Variants in MYT1L observed in about 807,000 individuals in gnomAD.
The protein encoded by MYT1L is myelin transcription factor 1 like.
In MYT1L, 12 loss-of-function variants were observed where a neutral mutation model predicts 126.7. The ratio of observed to expected loss-of-function variants is 0.09; its 90% CI spans 0.06 to 0.15. The LOEUF is 0.15. Among genes scored for constraint, MYT1L ranks in the 10% least tolerant of loss-of-function variants. MYT1L has a pLI of 1.00. For missense variants in MYT1L, 979 were observed against 1,585.2 expected, an observed-to-expected ratio of 0.62 and a Z score of 6.49; for synonymous variants, 541 against 604.2, an observed-to-expected ratio of 0.90 and a Z score of 1.53.
intron 2 of MYT1L, among the ~76,000 whole-genome samples, chr2:2,177,965 T>C (rs919063084): frequency 2.0e-5 from 3 of 152,200 alleles, no homozygotes; most frequent in Admixed American, 2.0e-4. Flanking sequence ...GAGATGATCT[T>C]TGGAGACAGG....
intron 18 of MYT1L, among the ~76,000 whole-genome samples, chr2:1,882,595 A>T (rs1276489209): frequency 1.3e-5 from 2 of 152,220 alleles, no homozygotes; most frequent in Non-Finnish European, 2.9e-5. Flanking sequence ...AGCCGAGGGC[A>T]GTTGTAATTC....
intron 5 of MYT1L, among the ~76,000 whole-genome samples, chr2:1,991,311 T>C (rs2061438654): frequency 1.3e-5 from 2 of 152,082 alleles, no homozygotes; most frequent in South Asian, 4.2e-4. Context: ...TGTATCTTTT[T>C]CTTTTCTTTT....
chr2:2,206,295 C>G (rs1471067792), intron 2 of MYT1L, among the ~76,000 whole-genome samples: 3 of 145,976 alleles, frequency 2.1e-5, no homozygotes, highest in Admixed American at 1.4e-4. Flanking sequence ...ACCATACTTT[C>G]ATGTCTTTGA....
chr2:2,313,262 T>TA (rs112642305), intron 1 of MYT1L, among the ~76,000 whole-genome samples: 133 of 148,312 alleles, frequency 9.0e-4, no homozygotes, highest in Admixed American at 1.6e-3. Flanking sequence ...TCTCAGCTGA[T>TA]AAAAAAAAAA....
At chr2:1,999,363 A>T in intron 4 of MYT1L, among the ~76,000 whole-genome samples, 1 of 152,174 alleles carries the variant, frequency 6.6e-6, no homozygotes, top group East Asian at 1.9e-4. Flanking sequence ...GCACTCTGCT[A>T]GACACGGGTA....
In MYT1L at chr2:1,912,046, G is replaced by C; in HGVS notation, c.1683C>G (p.Val561=). The change falls in exon 12 of 25, where the codon GTC becomes GTG. Residue 561 remains valine, a synonymous_variant. Transcript: ENST00000647738. The surrounding 1 kb of genome is among the most constrained non-coding windows in gnomAD (Gnocchi z 4.3). ...PTPGCTGRGH[V]NSNRNSHRSL... ...TTCGGTGGGAGTTCCTGTTGCTGTT[G>C]ACATGCCCGCGCCCCGTGCAGCCCG... 1 of 1,596,068 alleles carries C rather than the reference G, an allele frequency of 6.3e-7. No homozygotes were observed. Among genetic ancestry groups the C allele is most frequent in the African/African-American group, 1.3e-5 (1 of 74,708 alleles).
chr2:2,105,219 A>G (rs1402930850), intron 3 of MYT1L, among the ~76,000 whole-genome samples: 1 of 152,152 alleles, frequency 6.6e-6, no homozygotes, highest in Non-Finnish European at 1.5e-5. Context: ...CTAGAATGCA[A>G]TGGATCCCCG....
Position 1,922,378 on chromosome 2 carries a change from G to A in MYT1L, c.1391C>T (p.Ser464Leu), listed in dbSNP as rs1383909875. Residue 464 changes from serine (S) to leucine (L), a missense_variant, in exon 10 of 25, where the codon TCA becomes TTA. By Grantham distance (145) the Ser-to-Leu change is moderately radical (BLOSUM62 -2). This residue lies in a region of MYT1L where 67 missense variants were observed against 80.3 expected (regional missense o/e 0.83). Transcript: ENST00000647738. The surrounding 1 kb of genome is among the most constrained non-coding windows in gnomAD (Gnocchi z 7.4). ...MEAGRRDNMRSYEDQSPRQLP... is the reference protein window; with the variant it reads ...MEAGRRDNMRLYEDQSPRQLP... ...TTGTCTCGGAGACTGGTCCTCATAT[G>A]ACCTCATATTGTCCCTCCTCCCAGC... The A allele has an allele frequency of 4.3e-6, 7 of 1,613,806 alleles. No homozygotes were observed. Among genetic ancestry groups the A allele is most frequent in the Non-Finnish European group, 5.1e-6 (6 of 1,179,888 alleles).
At chr2:2,256,331 T>C (rs1218343784) in intron 2 of MYT1L, among the ~76,000 whole-genome samples, 1 of 152,358 alleles carries the variant, frequency 6.6e-6, no homozygotes, top group East Asian at 1.9e-4. Context: ...GGAAAGTGAA[T>C]AAGGGTTTCA....
At position 2,009,898 on chromosome 2, in the gene MYT1L, G is replaced by GTT. The variant is rs147372422; in HGVS notation, c.-157-12553_-157-12552dup. 3.2e-3 allele frequency among the ~76,000 whole-genome samples: 370 copies of GTT among 114,282 alleles called. 2 individuals are homozygous for GTT. Among genetic ancestry groups the GTT allele is most frequent in the Non-Finnish European group, 4.7e-3 (254 of 54,470 alleles). The allele number at this position is 114,282 out of a possible 152,430, so 75.0% of individuals were successfully genotyped here. The stretch of plus-strand genomic sequence containing the variant: ...TTCTTCTATACCTAAACTGTTAAGA[G>GTT]TTTTTTTTTTTTTTTTTTTTCATGA... On this transcript the variant is annotated intron_variant, in intron 4 of 24. Coordinates refer to ENST00000647738, the MANE Select transcript of MYT1L (RefSeq NM_001303052.2).
intron 9 of MYT1L, among the ~76,000 whole-genome samples, chr2:1,932,501 T>C (rs1244122038): frequency 2.6e-5 from 4 of 152,190 alleles, no homozygotes; most frequent in Non-Finnish European, 5.9e-5. Flanking sequence ...AGATGAACAA[T>C]GAACCAAAGA....
chr2:2,092,009 C>T (rs2076959902), intron 3 of MYT1L, among the ~76,000 whole-genome samples: 1 of 152,182 alleles, frequency 6.6e-6, no homozygotes, highest in Admixed American at 6.5e-5. Flanking sequence ...TTCCCCATAT[C>T]AGCAATAAGG....
At chr2:1,903,354 G>C (rs2050597578) in intron 13 of MYT1L, 60 bp from the exon 14 acceptor site, 2 of 1,352,020 alleles carry the variant, frequency 1.5e-6, no homozygotes, top group Non-Finnish European at 2.1e-6. Context: ...TACACGACGA[G>C]CTTCACATTA....
intron 8 of MYT1L, among the ~76,000 whole-genome samples, chr2:1,950,920 T>C (rs964300827): frequency 3.3e-5 from 5 of 152,082 alleles, no homozygotes; most frequent in African/African-American, 9.7e-5. Flanking sequence ...TGTCAGGTCA[T>C]AGGTTGGCCT....
At chr2:2,024,363 G>A (rs1444638767) in intron 4 of MYT1L, among the ~76,000 whole-genome samples, 2 of 152,172 alleles carry the variant, frequency 1.3e-5, no homozygotes, top group East Asian at 3.9e-4. Context: ...CAGTGCAGGT[G>A]CACACTCTGG....
Position 1,994,700 on chromosome 2 carries a change from A to G in MYT1L, c.-1+2491T>C, listed in dbSNP as rs114338504. Among the ~76,000 whole-genome samples, 500 of 152,340 alleles carry G rather than the reference A, an allele frequency of 3.3e-3. 4 individuals are homozygous for G. The highest frequency in any genetic ancestry group is 0.012 in the African/African-American group (485 of 41,564). ...GCTGTTCTGAGACTACATCTGGTTT[A>G]TATTCAGCATTTTCTATCTTTACTT... On this transcript the variant is annotated intron_variant, in intron 5 of 24. Transcript: ENST00000647738.
chr2:2,100,061 G>A (rs2077876957), intron 3 of MYT1L, among the ~76,000 whole-genome samples: 1 of 152,086 alleles, frequency 6.6e-6, no homozygotes, highest in African/African-American at 2.4e-5. Context: ...TGTTTTCCTT[G>A]TCAATTACCA....
At chr2:2,225,922 G>A (rs1296707584) in intron 2 of MYT1L, among the ~76,000 whole-genome samples, 5 of 152,150 alleles carry the variant, frequency 3.3e-5, no homozygotes, top group Admixed American at 1.3e-4. Context: ...ACTGCCACGA[G>A]TATAAGAAGC....
intron 23 of MYT1L, among the ~76,000 whole-genome samples, chr2:1,800,530 G>A (rs2034646732): frequency 6.6e-6 from 1 of 152,130 alleles, no homozygotes; most frequent in African/African-American, 2.4e-5. Context: ...GGGGGGCCTG[G>A]AAATCCCTTT....
Sources: gnomAD v4.1 joint callset for allele counts (sites outside exome capture counted in the v4.1 genomes callset) on GRCh38, gnomAD v4.1.1 for gene constraint, gnomAD v4.1.1 regional missense constraint, Gnocchi (gnomAD v3.1) non-coding constraint, MANE v1.5 for transcripts, NCBI Gene and HGNC (gene_info 2026-07-23, HGNC 2026-07-21) for gene names.